The following RABGAP1L variants were observed in gnomAD, a reference collection of about 807,000 sequenced individuals.
RABGAP1L encodes the protein RAB GTPase activating protein 1 like, also known as rab GTPase-activating protein 1-like.
RABGAP1L carries 63 observed loss-of-function variants against 137.7 expected under a neutral mutation model. That is an observed-to-expected ratio of 0.46 (90% confidence interval 0.37 to 0.56). The LOEUF is 0.56. RABGAP1L is among the 20% of genes least tolerant of loss of function. The pLI is 0.00. For missense variants in RABGAP1L, 1,095 were observed against 1,244.0 expected (o/e 0.88, Z 1.80); for synonymous variants, 431 against 433.7 (o/e 0.99, Z 0.08).
chr1:174,674,717 G>T (rs1044992956), intron 14 of RABGAP1L, among the ~76,000 whole-genome samples: 1 of 151,610 alleles, frequency 6.6e-6, no homozygotes, highest in Admixed American at 6.6e-5. Context: ...GTGTAAAAGT[G>T]TTCCTATTTC....
intron 11 of RABGAP1L, among the ~76,000 whole-genome samples, chr1:174,332,081 G>C (rs1408376858): frequency 6.6e-6 from 1 of 152,154 alleles, no homozygotes; most frequent in Non-Finnish European, 1.5e-5. Flanking sequence ...GAAGTAGCAA[G>C]AGAAAAAGGA....
intron 11 of RABGAP1L, among the ~76,000 whole-genome samples, chr1:174,311,057 A>G (rs1011248142): frequency 6.6e-6 from 1 of 151,946 alleles, no homozygotes; most frequent in African/African-American, 2.4e-5. Context: ...ACCCATCACT[A>G]CTATTCCCAG....
At chr1:174,298,365 C>T (rs1208734054) in intron 10 of RABGAP1L, among the ~76,000 whole-genome samples, 1 of 152,196 alleles carries the variant, frequency 6.6e-6, no homozygotes, top group African/African-American at 2.4e-5. Context: ...TCTTTCTCAC[C>T]TACTGTCAGT....
intron 13 of RABGAP1L, among the ~76,000 whole-genome samples, chr1:174,507,941 C>T (rs2147789908): frequency 6.6e-6 from 1 of 152,190 alleles, no homozygotes; most frequent in South Asian, 2.1e-4. Context: ...TGTTTGGACT[C>T]AGTAGGTGCC....
At chr1:174,431,039 AT>A (rs1652571648) in intron 13 of RABGAP1L, among the ~76,000 whole-genome samples, 1 of 152,174 alleles carries the variant, frequency 6.6e-6, no homozygotes, top group East Asian at 1.9e-4. Flanking sequence ...ATCCTAAAAA[AT>A]AGCAATTTTC....
chr1:174,962,216 C>A (rs1669215489), intron 20 of RABGAP1L, among the ~76,000 whole-genome samples: 2 of 135,468 alleles, frequency 1.5e-5, no homozygotes, highest in East Asian at 2.3e-4. Context: ...CACACACACA[C>A]ACAGCTAGTT....
chr1:174,918,387 T>A (rs1021659992), intron 19 of RABGAP1L, among the ~76,000 whole-genome samples: 3 of 152,254 alleles, frequency 2.0e-5, no homozygotes, highest in Non-Finnish European at 4.4e-5. Flanking sequence ...ATTCCATAGC[T>A]CCAGTTATCT....
chr1:174,953,974 A>T (rs181400361), intron 19 of RABGAP1L, among the ~76,000 whole-genome samples: 13 of 152,298 alleles, frequency 8.5e-5, no homozygotes, highest in Admixed American at 7.8e-4. Flanking sequence ...ACCTTTGATC[A>T]TCCGTGGGGA....
At chr1:174,938,544 A>G (rs1483985181) in intron 19 of RABGAP1L, 1 of 152,144 alleles carries the variant, frequency 6.6e-6, no homozygotes, top group Non-Finnish European at 1.5e-5. Context: ...GATCAAAGAC[A>G]TTGGAATTAT....
At chr1:174,455,323 C>T (rs2149267481) in intron 13 of RABGAP1L, among the ~76,000 whole-genome samples, 1 of 152,226 alleles carries the variant, frequency 6.6e-6, no homozygotes. Flanking sequence ...TTGACTTAAA[C>T]ATTTGACCCC....
At chr1:174,950,037 G>A (rs1667475552) in intron 19 of RABGAP1L, among the ~76,000 whole-genome samples, 1 of 152,166 alleles carries the variant, frequency 6.6e-6, no homozygotes, top group Non-Finnish European at 1.5e-5. Flanking sequence ...CATGAATAAA[G>A]GTCCAGGTAC....
intron 11 of RABGAP1L, among the ~76,000 whole-genome samples, chr1:174,365,727 AT>A (rs1684558821): frequency 1.3e-5 from 2 of 152,184 alleles, no homozygotes; most frequent in Non-Finnish European, 2.9e-5. Flanking sequence ...GTGGGGTGGT[AT>A]CAGCAACTCA....
At chr1:174,868,288 A>G (rs572917441) in intron 19 of RABGAP1L, among the ~76,000 whole-genome samples, 1 of 152,330 alleles carries the variant, frequency 6.6e-6, no homozygotes, top group African/African-American at 2.4e-5. Flanking sequence ...TAGAGCAAGT[A>G]TCTCTTCTGT....
intron 13 of RABGAP1L, among the ~76,000 whole-genome samples, chr1:174,527,722 T>C (rs1664022352): frequency 6.6e-6 from 1 of 152,194 alleles, no homozygotes; most frequent in Admixed American, 6.5e-5. Context: ...TACCTAATGC[T>C]GAGAGTGGAG....
intron 14 of RABGAP1L, among the ~76,000 whole-genome samples, chr1:174,669,515 T>C (rs540723245): frequency 1.3e-5 from 2 of 152,340 alleles, no homozygotes; most frequent in South Asian, 4.1e-4. Context: ...ATTTTTACTT[T>C]TGTTGTCTGT....
intron 13 of RABGAP1L, among the ~76,000 whole-genome samples, chr1:174,495,579 C>A (rs1019173272): frequency 3.3e-5 from 5 of 152,210 alleles, no homozygotes; most frequent in Non-Finnish European, 7.3e-5. Context: ...TTCTCCCCAA[C>A]CCACCAGCAT....
intron 1 of RABGAP1L, among the ~76,000 whole-genome samples, chr1:174,201,836 G>A (rs1239970543): frequency 1.6e-5 from 2 of 125,862 alleles, no homozygotes; most frequent in East Asian, 4.7e-4. Context: ...GGTGTGTAAT[G>A]TTCCCCTTCC....
chr1:174,754,230 G>A (rs1684547576), intron 18 of RABGAP1L, among the ~76,000 whole-genome samples: 1 of 152,064 alleles, frequency 6.6e-6, no homozygotes, highest in African/African-American at 2.4e-5. Flanking sequence ...CTCACCACTA[G>A]TGCCCTATAT....
chr1:174,805,092 T>C (rs1163186768), intron 18 of RABGAP1L, among the ~76,000 whole-genome samples: 1 of 152,228 alleles, frequency 6.6e-6, no homozygotes, highest in African/African-American at 2.4e-5. Flanking sequence ...CTCCATAATT[T>C]CCATTGTATA....
Sources: gnomAD v4.1 joint callset for allele counts (sites outside exome capture counted in the v4.1 genomes callset) on GRCh38, gnomAD v4.1.1 for gene constraint, MANE v1.5 for transcripts, NCBI Gene and HGNC (gene_info 2026-07-23, HGNC 2026-07-21) for gene names.